KIF5C: variants seen among roughly 807,000 people sequenced by gnomAD.
KIF5C encodes kinesin family member 5C, also known as kinesin heavy chain isoform 5C.
Under a neutral mutation model 125.2 loss-of-function variants are expected in KIF5C, and 18 were observed. The observed-to-expected ratio is 0.14, with a 90% CI of 0.10 to 0.21. The LOEUF (loss-of-function observed/expected upper bound fraction) is 0.21. Among genes scored for constraint, KIF5C ranks in the 10% least tolerant of loss-of-function variants. KIF5C has a pLI of 1.00. For missense variants in KIF5C, 780 were observed against 1,183.8 expected (o/e 0.66, Z 5.01); for synonymous variants, 405 against 434.0 (o/e 0.93, Z 0.83).
In KIF5C at chr2:149,024,372, G is replaced by A. The variant is rs1268767446; in HGVS notation, c.*1302G>A. 2 of 152,308 alleles carry A rather than the reference G, an allele frequency of 1.3e-5. No homozygotes were observed. The highest frequency in any genetic ancestry group is 2.9e-5 in the Non-Finnish European group (2 of 68,002). 9.4% of individuals were successfully genotyped at this position (152,308 alleles called of 1,614,324 possible). On this transcript the variant is annotated 3_prime_UTR_variant, in exon 26 of 26. Coordinates refer to ENST00000435030, the MANE Select transcript of KIF5C (RefSeq NM_004522.3). ...AGTCAATGACAACCAAACCAATCTC[G>A]GTGGAAACTCCTATCCTATCATGTT...
At chr2:148,925,892 A>G (rs2105087267) in intron 2 of KIF5C, among the ~76,000 whole-genome samples, 1 of 152,328 alleles carries the variant, frequency 6.6e-6, no homozygotes, top group African/African-American at 2.4e-5. Flanking sequence ...TTGCCTGGGC[A>G]CAGGGACTGC....
intron 1 of KIF5C, among the ~76,000 whole-genome samples, chr2:148,893,556 C>A (rs1176885083): frequency 6.6e-6 from 1 of 152,222 alleles, no homozygotes; most frequent in Non-Finnish European, 1.5e-5. Context: ...TCCCATCTAT[C>A]TGTGGCTGTA....
intron 16 of KIF5C, among the ~76,000 whole-genome samples, chr2:148,993,071 G>A (rs1250371907): frequency 2.6e-5 from 4 of 152,236 alleles, no homozygotes; most frequent in Admixed American, 2.6e-4. Flanking sequence ...GTTTAAATGG[G>A]TGAGGAAGAG....
chr2:148,875,578 CCCCA>C lies in KIF5C; in HGVS notation c.-35_-32del. 1.5e-6 allele frequency: 1 copy of C among 685,636 alleles called. No individual in the cohort carries two copies. The highest frequency in any genetic ancestry group is 2.6e-6 in the Non-Finnish European group (1 of 379,032). 42.5% of individuals were successfully genotyped at this position (685,636 alleles called of 1,614,324 possible). A position where few individuals can be genotyped will look rare whatever the true frequency, so the allele number is the denominator to read the frequency against. On this transcript the variant is annotated 5_prime_UTR_variant, in exon 1 of 26. Coordinates refer to ENST00000435030, the MANE Select transcript of KIF5C (RefSeq NM_004522.3). ...TCCCTCGTCGTTCCCGGCCCCGGCCCCCCACCCATCCCCGTGCCCCCTCCCTACC... is the reference window on the plus strand; with the variant it reads ...TCCCTCGTCGTTCCCGGCCCCGGCCCCCCATCCCCGTGCCCCCTCCCTACC...
chr2:148,969,457 G>GTA (rs1415381752), intron 11 of KIF5C, among the ~76,000 whole-genome samples: 3 of 151,442 alleles, frequency 2.0e-5, no homozygotes, highest in Non-Finnish European at 4.4e-5. Flanking sequence ...GTGTGTGTGT[G>GTA]TGTGTATGTG....
intron 25 of KIF5C, among the ~76,000 whole-genome samples, chr2:149,016,764 C>G (rs997213126): frequency 6.6e-6 from 1 of 152,092 alleles, no homozygotes; most frequent in Admixed American, 6.6e-5. Context: ...GAGGCCAGGG[C>G]TGGAGAGTTG....
At chr2:148,964,095 G>A (rs909852763) in intron 11 of KIF5C, among the ~76,000 whole-genome samples, 1 of 152,144 alleles carries the variant, frequency 6.6e-6, no homozygotes, top group African/African-American at 2.4e-5. Context: ...GGCCAACATG[G>A]AGAAACCCTG....
intron 11 of KIF5C, among the ~76,000 whole-genome samples, chr2:148,972,980 A>G (rs780422548): frequency 3.9e-5 from 6 of 152,170 alleles, no homozygotes; most frequent in African/African-American, 1.2e-4. Context: ...TTTTTAATCA[A>G]TCACTAGAGA....
At chr2:148,964,440 T>C (rs1683001941) in intron 11 of KIF5C, among the ~76,000 whole-genome samples, 1 of 152,182 alleles carries the variant, frequency 6.6e-6, no homozygotes, top group Admixed American at 6.5e-5. Context: ...ATATGCTTAA[T>C]GCAGGTGCTG....
intron 15 of KIF5C, among the ~76,000 whole-genome samples, chr2:148,988,734 G>A (rs1279329094): frequency 2.0e-5 from 3 of 152,216 alleles, no homozygotes; most frequent in Non-Finnish European, 4.4e-5. Context: ...AAGATTGCAT[G>A]CTTTTCTCAC....
At chr2:148,939,717 T>C (rs1418435891) in intron 4 of KIF5C, among the ~76,000 whole-genome samples, 1 of 152,212 alleles carries the variant, frequency 6.6e-6, no homozygotes, top group Admixed American at 6.5e-5. Flanking sequence ...CTACTTTGTA[T>C]TCTGAACCGG....
intron 1 of KIF5C, among the ~76,000 whole-genome samples, chr2:148,917,200 G>A (rs980979360): frequency 6.6e-6 from 1 of 151,720 alleles, no homozygotes; most frequent in African/African-American, 2.4e-5. Flanking sequence ...TTTCCTCAAC[G>A]GTTTCATGTC....
intron 7 of KIF5C, among the ~76,000 whole-genome samples, chr2:148,945,189 A>T (rs1682493498): frequency 6.6e-6 from 1 of 152,118 alleles, no homozygotes. Context: ...TGGGTGTCAT[A>T]TCCAAGAAAT....
chr2:148,951,385 C>A, intron 10 of KIF5C, among the ~76,000 whole-genome samples: 1 of 152,116 alleles, frequency 6.6e-6, no homozygotes, highest in East Asian at 1.9e-4. Context: ...AGGTACGACT[C>A]CATAATCGTA....
At position 148,919,335 on chromosome 2, in the gene KIF5C, C is replaced by A. The variant is rs149521467; in HGVS notation, c.127-2802C>A. Among the ~76,000 whole-genome samples the A allele has an allele frequency of 5.6e-3, 860 of 152,340 alleles. 26 individuals are homozygous for A. Among genetic ancestry groups the A allele is most frequent in the East Asian group, 0.037 (191 of 5,190 alleles). ...TGGAGAGAGCCATGTGCTGCATAGA[C>A]ACCTGGAAGGGACTCGTGTCTCCAG... On this transcript the variant is annotated intron_variant, in intron 1 of 25. Coordinates refer to ENST00000435030, the MANE Select transcript of KIF5C (RefSeq NM_004522.3).
intron 11 of KIF5C, among the ~76,000 whole-genome samples, chr2:148,972,952 C>G (rs1436643415): frequency 6.6e-6 from 1 of 152,126 alleles, no homozygotes; most frequent in Non-Finnish European, 1.5e-5. Context: ...AATTAGGATG[C>G]CTTAGAGGTC....
chr2:148,996,966 C>T (rs907279537), intron 17 of KIF5C, among the ~76,000 whole-genome samples: 3 of 152,110 alleles, frequency 2.0e-5, no homozygotes, highest in African/African-American at 7.2e-5. Context: ...CCCAGGTGTG[C>T]GGTGACATAA....
At position 149,011,768 on chromosome 2, in the gene KIF5C, G is replaced by C; in HGVS notation, c.*7+85G>C. ...AAGCCCCTGCCTGGCAGTGGACCTT[G>C]AGTAGAGAGGAGTTCTGCTCTACTC... On this transcript the variant is annotated intron_variant, in intron 25 of 25. Transcript: ENST00000435030. 1.7e-5 allele frequency: 26 copies of C among 1,548,990 alleles called. No homozygotes were observed. The South Asian group carries it at 3.0e-4, about 18-fold the overall frequency.
intron 25 of KIF5C, among the ~76,000 whole-genome samples, chr2:149,022,369 A>G (rs1168409144): frequency 1.3e-5 from 2 of 152,164 alleles, no homozygotes; most frequent in African/African-American, 4.8e-5. Context: ...TTCATGTGCC[A>G]CTATCCACAT....
Sources: allele counts gnomAD v4.1 joint callset (sites outside exome capture counted in the v4.1 genomes callset), GRCh38; gene constraint gnomAD v4.1.1; transcripts MANE v1.5; gene names NCBI Gene and HGNC (gene_info 2026-07-23, HGNC 2026-07-21).